The following TENM2 variants were observed in gnomAD, a reference collection of about 807,000 sequenced individuals.
The protein encoded by TENM2 is teneurin-2.
Under a neutral mutation model 245.2 loss-of-function variants are expected in TENM2, and 52 were observed. The observed-to-expected ratio is 0.21, with a 90% CI of 0.17 to 0.27. TENM2 has a LOEUF of 0.27. TENM2 is among the 10% of genes least tolerant of loss of function. TENM2 has a pLI of 1.00. For missense variants in TENM2, 3,046 were observed against 3,666.8 expected, an observed-to-expected ratio of 0.83 and a Z score of 4.37; for synonymous variants, 1,363 against 1,438.9, an observed-to-expected ratio of 0.95 and a Z score of 1.19.
Position 167,800,164 on chromosome 5 carries a change from A to G in TENM2, c.503-75822A>G, listed in dbSNP as rs185403255. Among the ~76,000 whole-genome samples the G allele has an allele frequency of 8.7e-4, 132 of 152,326 alleles. 1 individual carries two copies. The Middle Eastern group carries it at 0.01, about 12-fold the overall frequency. ...GCACAATGTGCATGCATTTGTTTCT[A>G]TGCACAAAGTAATCCCTGAAAAACT... On this transcript the variant is annotated intron_variant, in intron 2 of 28. Coordinates refer to ENST00000518659, the Ensembl canonical transcript of TENM2.
intron 1 of TENM2, among the ~76,000 whole-genome samples, chr5:167,288,281 C>T (rs917153255): frequency 2.6e-5 from 4 of 152,008 alleles, no homozygotes; most frequent in African/African-American, 9.7e-5. Context: ...GGCGAACAGG[C>T]GGGCGCGGTG....
chr5:167,353,743 G>A (rs1009903531), intron 1 of TENM2, among the ~76,000 whole-genome samples: 2 of 151,760 alleles, frequency 1.3e-5, no homozygotes, highest in African/African-American at 4.8e-5. Flanking sequence ...TCCTGACCTC[G>A]TGATCCGCCC....
the TENM2 span, among the ~76,000 whole-genome samples, chr5:166,986,059 G>A: frequency 6.6e-6 from 1 of 152,338 alleles, no homozygotes; most frequent in East Asian, 1.9e-4. Flanking sequence ...CCTCAGCTGT[G>A]CTTTTGGGGA....
chr5:167,145,791 T>C, the TENM2 span, among the ~76,000 whole-genome samples: 3 of 152,172 alleles, frequency 2.0e-5, no homozygotes, highest in African/African-American at 4.8e-5. Flanking sequence ...TTGAGAACGA[T>C]AGCAGTTTGA....
At chr5:168,111,433 A>C (rs1004524193) in intron 9 of TENM2, among the ~76,000 whole-genome samples, 4 of 152,064 alleles carry the variant, frequency 2.6e-5, no homozygotes, top group Non-Finnish European at 5.9e-5. Context: ...GGACGGTGGC[A>C]GGGGTTGGGG....
At chr5:167,132,735 A>C in the TENM2 span, among the ~76,000 whole-genome samples, 1 of 152,230 alleles carries the variant, frequency 6.6e-6, no homozygotes, top group African/African-American at 2.4e-5. Context: ...TCGGTGAAAT[A>C]TTATTTTAAT....
the TENM2 span, among the ~76,000 whole-genome samples, chr5:167,231,346 A>G: frequency 2.0e-5 from 3 of 152,224 alleles, no homozygotes; most frequent in Admixed American, 6.5e-5. Flanking sequence ...GACTTGTTGA[A>G]TAGCTTTGAC....
At chr5:167,293,918 C>T (rs920252778) in intron 1 of TENM2, among the ~76,000 whole-genome samples, 2 of 151,596 alleles carry the variant, frequency 1.3e-5, no homozygotes, top group Non-Finnish European at 1.5e-5. Flanking sequence ...ACCATGATAC[C>T]ATTGTTTGTT....
Position 167,522,906 on chromosome 5 carries a change from G to A in TENM2, c.502+147433G>A, listed in dbSNP as rs142133050. Among the ~76,000 whole-genome samples, 26 of 151,342 alleles carry A rather than the reference G, an allele frequency of 1.7e-4. No individual in the cohort carries two copies. The East Asian group carries it at 3.7e-3, about 21-fold the overall frequency. ...CCTAGGGCTGCCGTAATGAATTATC[G>A]TAAACCAGCTGGCTTAAAACAACAA... is the stretch of plus-strand genomic sequence containing the variant. On this transcript the variant is annotated intron_variant, in intron 2 of 28. Coordinates refer to ENST00000518659, the Ensembl canonical transcript of TENM2.
At chr5:167,347,249 T>C (rs575560979) in intron 1 of TENM2, among the ~76,000 whole-genome samples, 1 of 152,324 alleles carries the variant, frequency 6.6e-6, no homozygotes, top group East Asian at 1.9e-4. Context: ...TCCAAGTCTG[T>C]AATAAAACCT....
the TENM2 span, among the ~76,000 whole-genome samples, chr5:167,275,212 C>A: frequency 6.6e-5 from 10 of 151,968 alleles, no homozygotes; most frequent in Non-Finnish European, 1.5e-4. Context: ...CTATTGTATC[C>A]ATTAATATGT....
chr5:167,950,830 T>C (rs864788), intron 3 of TENM2, among the ~76,000 whole-genome samples: 114,831 of 152,044 alleles, frequency 0.76, 43,439 homozygotes, highest in East Asian at 0.84. Context: ...TATGAAACTC[T>C]CCCAAAGATA....
At chr5:167,860,190 G>A (rs1712571445) in intron 2 of TENM2, among the ~76,000 whole-genome samples, 5 of 132,410 alleles carry the variant, frequency 3.8e-5, no homozygotes, top group Admixed American at 7.1e-5. Flanking sequence ...AGGGAGGTGG[G>A]GGGGTCAGCC....
At chr5:167,863,342 CA>C (rs748486309) in intron 2 of TENM2, among the ~76,000 whole-genome samples, 1 of 152,092 alleles carries the variant, frequency 6.6e-6, no homozygotes, top group East Asian at 1.9e-4. Context: ...TGGCCAGGCA[CA>C]GTGGCTCACA....
In TENM2 at chr5:167,872,478, G is replaced by GAA. The variant is rs201307056; in HGVS notation, c.503-3506_503-3505dup. 3.0e-3 allele frequency among the ~76,000 whole-genome samples: 346 copies of GAA among 115,054 alleles called. 4 individuals carry two copies. The highest frequency in any genetic ancestry group is 0.018 in the East Asian group (63 of 3,428). 75.5% of individuals were successfully genotyped at this position (115,054 alleles called of 152,430 possible). Reference sequence around the variant, plus strand: ...AGAAAGCACGAAAGAAAGAAAGAAAGAAAGAAAAAGAAAGAAAGAAAGAAA... The same window carrying GAA: ...AGAAAGCACGAAAGAAAGAAAGAAAGAAAAAGAAAAAGAAAGAAAGAAAGAAA... On this transcript the variant is annotated intron_variant, in intron 2 of 28. Coordinates refer to ENST00000518659, the Ensembl canonical transcript of TENM2.
At chr5:168,036,906 C>T (rs1028230872) in intron 5 of TENM2, among the ~76,000 whole-genome samples, 11 of 151,774 alleles carry the variant, frequency 7.2e-5, no homozygotes, top group African/African-American at 2.4e-4. Flanking sequence ...TATCCTCCCC[C>T]ACCCCACCCC....
chr5:168,142,110 G>A (rs1185880264), intron 12 of TENM2, among the ~76,000 whole-genome samples: 1 of 152,204 alleles, frequency 6.6e-6, no homozygotes, highest in East Asian at 1.9e-4. Context: ...AGCCCACCAG[G>A]CTGAACTAGC....
intron 2 of TENM2, among the ~76,000 whole-genome samples, chr5:167,565,801 T>C (rs909501701): frequency 4.6e-5 from 7 of 152,184 alleles, no homozygotes; most frequent in African/African-American, 1.7e-4. Flanking sequence ...GTGGTGTATG[T>C]TATTCCCATT....
intron 2 of TENM2, among the ~76,000 whole-genome samples, chr5:167,676,745 AAT>A (rs1384023606): frequency 6.6e-6 from 1 of 152,096 alleles, no homozygotes; most frequent in Non-Finnish European, 1.5e-5. Context: ...TCTTATAAAT[AAT>A]ATGTTTTTAA....
Sources: gnomAD v4.1 joint callset for allele counts (sites outside exome capture counted in the v4.1 genomes callset) on GRCh38, gnomAD v4.1.1 for gene constraint, MANE v1.5 for transcripts, NCBI Gene and HGNC (gene_info 2026-07-23, HGNC 2026-07-21) for gene names.